MCTP2: variants seen among roughly 807,000 people sequenced by gnomAD.
MCTP2 encodes the protein multiple C2 and transmembrane domain containing 2, also known as multiple C2 and transmembrane domain-containing protein 2.
MCTP2 carries 132 observed loss-of-function variants against 111.6 expected under a neutral mutation model. That is an observed-to-expected ratio of 1.18 (90% CI 1.03 to 1.37). MCTP2 has a LOEUF of 1.37. MCTP2 is among the 40% of genes most tolerant of loss of function. The pLI, the probability that MCTP2 is intolerant of heterozygous loss-of-function variation, is 0.00. For missense variants in MCTP2, 1,183 were observed against 1,067.9 expected (o/e 1.11, Z -1.50); for synonymous variants, 395 against 387.7 (o/e 1.02, Z -0.22).
chr15:94,240,998 T>C (rs895835499), intron 1 of MCTP2, among the ~76,000 whole-genome samples: 5 of 152,212 alleles, frequency 3.3e-5, no homozygotes, highest in Admixed American at 2.0e-4. Context: ...GACACACTTA[T>C]CAAATAAGAT....
chr15:94,369,587 AACAG>A (rs2079378020), intron 11 of MCTP2, among the ~76,000 whole-genome samples: 1 of 151,838 alleles, frequency 6.6e-6, no homozygotes, highest in African/African-American at 2.4e-5. Flanking sequence ...AGCTAGCTAA[AACAG>A]ACCAGAAAAT....
At chr15:94,366,101 A>T (rs1461884174) in intron 10 of MCTP2, among the ~76,000 whole-genome samples, 6 of 152,180 alleles carry the variant, frequency 3.9e-5, no homozygotes, top group Non-Finnish European at 7.4e-5. Flanking sequence ...TTGATTTCCC[A>T]CTTACATCAT....
chr15:94,302,007 T>A (rs1263898826), intron 2 of MCTP2, among the ~76,000 whole-genome samples: 2 of 151,928 alleles, frequency 1.3e-5, no homozygotes, highest in South Asian at 2.1e-4. Flanking sequence ...AAGGAAGGAG[T>A]TGGCATGTGG....
At chr15:94,317,793 A>T (rs1213269644) in intron 4 of MCTP2, among the ~76,000 whole-genome samples, 1 of 151,990 alleles carries the variant, frequency 6.6e-6, no homozygotes, top group Non-Finnish European at 1.5e-5. Flanking sequence ...TTTTTTTCTT[A>T]AAATTTCTCT....
intron 14 of MCTP2, among the ~76,000 whole-genome samples, chr15:94,390,867 T>G (rs2080925286): frequency 6.6e-6 from 1 of 151,818 alleles, no homozygotes; most frequent in Non-Finnish European, 1.5e-5. Flanking sequence ...ATAACTGGGA[T>G]TACAGGCACC....
chr15:94,337,053 C>T (rs1235559185), intron 4 of MCTP2, among the ~76,000 whole-genome samples: 2 of 152,134 alleles, frequency 1.3e-5, no homozygotes, highest in Non-Finnish European at 2.9e-5. Context: ...CTGGGAGTTG[C>T]ATTCCTGAGT....
At chr15:94,440,340 A>G (rs377031070) in intron 18 of MCTP2, 42 bp downstream of exon 18, 118 of 1,610,194 alleles carry the variant, frequency 7.3e-5, no homozygotes, top group Non-Finnish European at 1.0e-4. Context: ...CTGCCGAGAA[A>G]TGTGTTAACA....
rs1179715361 is a variant in MCTP2, at chr15:94,482,941, A to G, written c.*3907A>G. 6.6e-6 allele frequency: 1 copy of G among 152,182 alleles called. No homozygotes were observed. The highest frequency in any genetic ancestry group is 1.5e-5 in the Non-Finnish European group (1 of 68,028). 9.4% of individuals were successfully genotyped at this position (152,182 alleles called of 1,614,324 possible). A position where few individuals can be genotyped will look rare whatever the true frequency, so the allele number is the denominator to read the frequency against. ...CTTAATGGTTTGACAGTTTGGAAGC[A>G]CCCTGGCAACAAGCCATTTCAGTGG... is the stretch of plus-strand genomic sequence containing the variant. On this transcript the variant is annotated 3_prime_UTR_variant, in exon 23 of 23. Coordinates refer to ENST00000357742, the MANE Select transcript of MCTP2 (RefSeq NM_001385001.1).
At position 94,476,755 on chromosome 15, in the gene MCTP2, CTAGA is replaced by C; in HGVS notation, c.2531_2534del (p.Leu844ProfsTer18). The C allele has an allele frequency of 1.2e-6, 2 of 1,609,104 alleles. No homozygotes were observed. Among genetic ancestry groups the C allele is most frequent in the Non-Finnish European group, 1.7e-6 (2 of 1,175,638 alleles). On this transcript the variant is annotated frameshift_variant, in exon 22 of 23. Transcript: ENST00000357742. LOFTEE classifies it high-confidence loss of function. ...CTATTCCATCGACAATAATGAGCTACTAGACTTCCTCTCTAGGGTACCGTCTGAT... is the reference window on the plus strand; with the variant it reads ...CTATTCCATCGACAATAATGAGCTACCTTCCTCTCTAGGGTACCGTCTGAT...
chr15:94,390,691 C>A (rs2080903615), intron 14 of MCTP2, among the ~76,000 whole-genome samples: 1 of 150,148 alleles, frequency 6.7e-6, no homozygotes, highest in South Asian at 2.1e-4. Context: ...AAGTCATCTG[C>A]AGTTTGATGA....
In MCTP2 at chr15:94,245,626, A is replaced by G. The variant is rs557184429; in HGVS notation, c.-66+13962A>G. Among the ~76,000 whole-genome samples the G allele has an allele frequency of 4.8e-5, 7 of 145,456 alleles. No individual in the cohort carries two copies. In the East Asian group the frequency reaches 6.0e-4, roughly 12 times the overall value. Reference sequence around the variant, plus strand: ...GACATATACATATGTACATGTATATATACATATACTTATACATATACATAT... The same window carrying G: ...GACATATACATATGTACATGTATATGTACATATACTTATACATATACATAT... On this transcript the variant is annotated intron_variant, in intron 1 of 22. Transcript: ENST00000357742.
intron 17 of MCTP2, among the ~76,000 whole-genome samples, chr15:94,422,567 A>G (rs979707738): frequency 2.6e-5 from 4 of 152,066 alleles, no homozygotes; most frequent in African/African-American, 9.7e-5. Context: ...CACTTCCATA[A>G]TTAAGGGTAC....
intron 17 of MCTP2, among the ~76,000 whole-genome samples, chr15:94,423,118 A>T (rs1229938563): frequency 6.6e-6 from 1 of 152,214 alleles, no homozygotes; most frequent in Non-Finnish European, 1.5e-5. Flanking sequence ...TACAAAGATA[A>T]TTAGTGAAAT....
intron 1 of MCTP2, among the ~76,000 whole-genome samples, chr15:94,246,677 T>C (rs2072034417): frequency 6.6e-6 from 1 of 152,188 alleles, no homozygotes; most frequent in Non-Finnish European, 1.5e-5. Flanking sequence ...TAGCCGAGGC[T>C]CTATGAAATG....
chr15:94,328,455 T>C (rs560247883), intron 4 of MCTP2, among the ~76,000 whole-genome samples: 49 of 152,338 alleles, frequency 3.2e-4, no homozygotes, highest in Admixed American at 1.2e-3. Flanking sequence ...TATACCACGA[T>C]GATACTTGCT....
At chr15:94,247,799 T>A (rs1445242379) in intron 1 of MCTP2, among the ~76,000 whole-genome samples, 2 of 152,192 alleles carry the variant, frequency 1.3e-5, no homozygotes, top group African/African-American at 4.8e-5. Flanking sequence ...GTTGATGAAC[T>A]CCACTAGTCT....
At chr15:94,314,260 T>C (rs2076278773) in intron 2 of MCTP2, 22 bp from the exon 3 acceptor site, 1 of 1,589,898 alleles carries the variant, frequency 6.3e-7, no homozygotes, top group Non-Finnish European at 8.6e-7. Context: ...TAAAGCAGAT[T>C]TTTTTTTCTT....
intron 14 of MCTP2, among the ~76,000 whole-genome samples, chr15:94,388,725 C>T (rs777683575): frequency 6.6e-6 from 1 of 152,114 alleles, no homozygotes; most frequent in Non-Finnish European, 1.5e-5. Flanking sequence ...ACCATCAGTT[C>T]TCTAAGGACT....
At chr15:94,248,390 G>T (rs114903615) in intron 1 of MCTP2, among the ~76,000 whole-genome samples, 2,417 of 152,240 alleles carry the variant, frequency 0.016, 55 homozygotes, top group African/African-American at 0.054. Context: ...AGGCAAGGAC[G>T]TGACTGTGGC....
Sources: gnomAD v4.1 joint callset for allele counts (sites outside exome capture counted in the v4.1 genomes callset) on GRCh38, gnomAD v4.1.1 for gene constraint, MANE v1.5 for transcripts, NCBI Gene and HGNC (gene_info 2026-07-23, HGNC 2026-07-21) for gene names.